CACNA2D1: variants seen among roughly 807,000 people sequenced by gnomAD.
The protein encoded by CACNA2D1 is voltage-dependent calcium channel subunit alpha-2/delta-1.
A neutral mutation model predicts 171.5 loss-of-function variants in CACNA2D1; 53 were observed. The observed-to-expected ratio is 0.31, with a 90% confidence interval of 0.25 to 0.39. The LOEUF (loss-of-function observed/expected upper bound fraction) is 0.39, where lower values mean the gene tolerates loss of function less well. CACNA2D1 is among the 10% of genes least tolerant of loss of function. The pLI is 1.00. For synonymous variants in CACNA2D1, 442 were observed against 443.1 expected (o/e 1.00, Z 0.03); for missense variants, 903 against 1,299.8 (o/e 0.69, Z 4.69).
chr7:82,216,024 T>C (rs1317650818), intron 3 of CACNA2D1, among the ~76,000 whole-genome samples: 2 of 152,154 alleles, frequency 1.3e-5, no homozygotes, highest in East Asian at 1.9e-4. Context: ...CAAAAATCAT[T>C]TTGCCTCTAA....
chr7:82,064,220 C>T, intron 9 of CACNA2D1, 84 bp downstream of exon 9: 1 of 904,452 alleles, frequency 1.1e-6, no homozygotes, highest in Non-Finnish European at 1.8e-6. Flanking sequence ...ACCTATCAAA[C>T]CTTTCTTAGT....
chr7:82,264,823 T>C (rs1381742183), intron 3 of CACNA2D1, among the ~76,000 whole-genome samples: 7 of 152,244 alleles, frequency 4.6e-5, no homozygotes, highest in African/African-American at 1.7e-4. Flanking sequence ...ACTTTCTCTA[T>C]ATCTATCATA....
At chr7:81,963,154 T>C (rs1487154130) in intron 34 of CACNA2D1, among the ~76,000 whole-genome samples, 2 of 152,000 alleles carry the variant, frequency 1.3e-5, no homozygotes, top group Admixed American at 1.3e-4. Flanking sequence ...CTGAAATTAA[T>C]ATATAAAATC....
chr7:82,332,557 A>AGAAAGAAAGAAAGAAC (rs1817484556), intron 3 of CACNA2D1, among the ~76,000 whole-genome samples: 1 of 139,066 alleles, frequency 7.2e-6, no homozygotes, highest in Non-Finnish European at 1.6e-5. Flanking sequence ...AAAGAAAGAA[A>AGAAAGAAAGAAAGAAC]GAAAGAAAGA....
intron 12 of CACNA2D1, chr7:82,021,352 T>C (rs1193053636): frequency 6.6e-6 from 1 of 152,122 alleles, no homozygotes; most frequent in Non-Finnish European, 1.5e-5. Flanking sequence ...TCACTACATT[T>C]TTTATATAAA....
In CACNA2D1 at chr7:82,378,807, TG is replaced by T. The variant is rs1436716397; in HGVS notation, c.96-29159del. 6.6e-5 allele frequency among the ~76,000 whole-genome samples: 10 copies of T among 152,330 alleles called. No homozygotes were observed. In the South Asian group the frequency reaches 1.2e-3, roughly 19 times the overall value. On this transcript the variant is annotated intron_variant, in intron 1 of 38. Transcript: ENST00000356860. ...TGAAGCCACCATTGAAGATGTCCTCTGGCCAGAATGAAGTTCTGTATTTGTC... is the reference window on the plus strand; with the variant it reads ...TGAAGCCACCATTGAAGATGTCCTCTGCCAGAATGAAGTTCTGTATTTGTC...
In CACNA2D1 at chr7:82,067,231, G is replaced by C. The variant is rs79739669; in HGVS notation, c.659-707C>G. ...TACTTTAATTAAAATGCTTTACAAA[G>C]CTTTACATGCATGCACACCTTAGAC... On this transcript the variant is annotated intron_variant, in intron 7 of 38. Transcript: ENST00000356860. Among the ~76,000 whole-genome samples the C allele has an allele frequency of 7.1e-3, 1,077 of 152,062 alleles. 18 individuals are homozygous for C. Among genetic ancestry groups the C allele is most frequent in the African/African-American group, 0.024 (1,014 of 41,506 alleles).
chr7:81,971,859 C>T lies in CACNA2D1; in HGVS notation c.2059G>A (p.Ala687Thr), dbSNP rs751204853. Residue 687 changes from alanine (A) to threonine (T), a missense_variant, in exon 26 of 39, where the codon GCG (alanine) becomes ACG (threonine). Physicochemically the swap from Ala to Thr is moderately conservative, Grantham distance 58. Transcript: ENST00000356860. ...RKTPNNPSCN[A>T]DLINRVLLDA... ...AGCAAGACTCTATTAATCAAATCCG[C>T]GTTACCTAACACAGAAAAAGATCAT... is the stretch of plus-strand genomic sequence containing the variant. 157 of 1,592,288 alleles carry T rather than the reference C, an allele frequency of 9.9e-5. No individual in the cohort carries two copies. The highest frequency in any genetic ancestry group is 1.7e-4 in the Admixed American group (10 of 59,776).
chr7:82,001,719 A>G (rs959284307), intron 18 of CACNA2D1: 1 of 1,207,000 alleles, frequency 8.3e-7, no homozygotes, highest in Non-Finnish European at 1.1e-6. Context: ...CAATAGGCTG[A>G]AGCAACAGAA....
At chr7:82,384,263 G>A (rs1824061411) in intron 1 of CACNA2D1, among the ~76,000 whole-genome samples, 1 of 152,154 alleles carries the variant, frequency 6.6e-6, no homozygotes, top group Admixed American at 6.5e-5. Context: ...TCCGTATTTG[G>A]AGAAGGGGCC....
intron 4 of CACNA2D1, among the ~76,000 whole-genome samples, chr7:82,150,544 T>C (rs1314660535): frequency 6.6e-6 from 1 of 152,080 alleles, no homozygotes; most frequent in Non-Finnish European, 1.5e-5. Flanking sequence ...TAAGGTGTAT[T>C]CATTTATTCC....
At chr7:82,019,850 C>T (rs191655254) in intron 12 of CACNA2D1, among the ~76,000 whole-genome samples, 12 of 152,104 alleles carry the variant, frequency 7.9e-5, no homozygotes, top group Admixed American at 2.6e-4. Flanking sequence ...CTTCAGCCTT[C>T]GAATCATGTT....
At chr7:81,955,032 A>G (rs1225244059) in intron 38 of CACNA2D1, among the ~76,000 whole-genome samples, 1 of 152,178 alleles carries the variant, frequency 6.6e-6, no homozygotes, top group Non-Finnish European at 1.5e-5. Flanking sequence ...TTTGCATAAA[A>G]TAATAAATTT....
At chr7:82,175,747 A>G (rs117088011) in intron 3 of CACNA2D1, among the ~76,000 whole-genome samples, 2,655 of 152,106 alleles carry the variant, frequency 0.017, 46 homozygotes, top group Middle Eastern at 0.054. Context: ...AATAAAGCTA[A>G]CAATTTTGCA....
In CACNA2D1 at chr7:82,099,422, C is replaced by CTTTTTTTTTTTTTT. The variant is rs932080938; in HGVS notation, c.527-14536_527-14523dup. On this transcript the variant is annotated intron_variant, in intron 6 of 38. Transcript: ENST00000356860. ...ACTCTAAAACAGGTAGCAATACCTT[C>CTTTTTTTTTTTTTT]TTTTTTTTTTTTTTTTTTTTTTTTT... Among the ~76,000 whole-genome samples the CTTTTTTTTTTTTTT allele has an allele frequency of 4.0e-4, 16 of 40,286 alleles. 1 individual carries two copies. Among genetic ancestry groups the CTTTTTTTTTTTTTT allele is most frequent in the East Asian group, 8.3e-4 (1 of 1,202 alleles). 26.4% of individuals were successfully genotyped at this position (40,286 alleles called of 152,430 possible).
At chr7:82,426,740 A>G (rs1418804766) in intron 1 of CACNA2D1, among the ~76,000 whole-genome samples, 2 of 152,178 alleles carry the variant, frequency 1.3e-5, no homozygotes, top group African/African-American at 4.8e-5. Context: ...GGCCACTAAA[A>G]TTATTTTTCT....
intron 3 of CACNA2D1, among the ~76,000 whole-genome samples, chr7:82,225,912 G>A (rs1802308065): frequency 6.6e-6 from 1 of 151,974 alleles, no homozygotes; most frequent in Non-Finnish European, 1.5e-5. Flanking sequence ...TAGGACTAAG[G>A]CCTGTAGAGA....
chr7:82,073,881 G>A (rs542104118), intron 7 of CACNA2D1, among the ~76,000 whole-genome samples: 165 of 152,188 alleles, frequency 1.1e-3, no homozygotes, highest in African/African-American at 3.6e-3. Flanking sequence ...GATTACAGGC[G>A]TCAGCCCTCA....
chr7:82,328,852 T>A, intron 3 of CACNA2D1, among the ~76,000 whole-genome samples: 1 of 152,314 alleles, frequency 6.6e-6, no homozygotes, highest in Non-Finnish European at 1.5e-5. Context: ...TCTGTTCCAG[T>A]ATATTCTATT....
Sources: gnomAD v4.1 joint callset for allele counts (sites outside exome capture counted in the v4.1 genomes callset) on GRCh38, gnomAD v4.1.1 for gene constraint, MANE v1.5 for transcripts, NCBI Gene and HGNC (gene_info 2026-07-23, HGNC 2026-07-21) for gene names.